The following THSD7B variants were observed in gnomAD, a reference collection of about 807,000 sequenced individuals.
THSD7B encodes thrombospondin type 1 domain containing 7B.
A neutral mutation model predicts 213.6 loss-of-function variants in THSD7B; 138 were observed. The observed-to-expected ratio is 0.65, with a 90% confidence interval of 0.56 to 0.74. The LOEUF is 0.74. Ranked by LOEUF, THSD7B falls within the 30% of genes least tolerant of loss-of-function variation. The probability of loss-of-function intolerance (pLI) is 0.00; values close to 1 mark genes in which losing one functional copy is unlikely to be tolerated. For synonymous variants in THSD7B, 742 were observed against 687.0 expected (o/e 1.08, Z -1.25); for missense variants, 1,931 against 1,991.5 (o/e 0.97, Z 0.58).
intron 15 of THSD7B, among the ~76,000 whole-genome samples, chr2:137,511,761 T>C (rs968204744): frequency 6.6e-6 from 1 of 152,250 alleles, no homozygotes; most frequent in Non-Finnish European, 1.5e-5. Flanking sequence ...TTTCAGTCTT[T>C]ACCTGGATCA....
chr2:137,269,109 G>A lies in THSD7B; in HGVS notation c.2267-3424G>A, dbSNP rs758466183. The stretch of plus-strand genomic sequence containing the variant: ...AGATAGTTCACACATCTCTGGTATT[G>A]TTTCCCTAGCTTAAGATCCTCCCTT... On this transcript the variant is annotated intron_variant, in intron 10 of 27. Coordinates refer to ENST00000409968, the MANE Select transcript of THSD7B (RefSeq NM_001316349.2). Among the ~76,000 whole-genome samples, 4 of 152,128 alleles carry A rather than the reference G, an allele frequency of 2.6e-5. No individual in the cohort carries two copies. The South Asian group carries it at 6.2e-4, about 24-fold the overall frequency.
chr2:137,064,789 T>G (rs13004428), intron 3 of THSD7B, among the ~76,000 whole-genome samples: 1 of 151,998 alleles, frequency 6.6e-6, no homozygotes. Flanking sequence ...ATGTTCTTGA[T>G]ACCTTTGTCA....
At chr2:137,477,938 T>C (rs544012544) in intron 15 of THSD7B, among the ~76,000 whole-genome samples, 1 of 152,266 alleles carries the variant, frequency 6.6e-6, no homozygotes, top group South Asian at 2.1e-4. Flanking sequence ...AAGGTTTCTA[T>C]TGAGGAATAT....
At chr2:137,070,343 A>G (rs1687456792) in intron 3 of THSD7B, among the ~76,000 whole-genome samples, 1 of 151,840 alleles carries the variant, frequency 6.6e-6, no homozygotes, top group South Asian at 2.1e-4. Flanking sequence ...GTTTATTTGA[A>G]CAAATTCCTA....
intron 3 of THSD7B, among the ~76,000 whole-genome samples, chr2:137,073,497 T>C (rs1687546958): frequency 6.6e-6 from 1 of 152,260 alleles, no homozygotes; most frequent in South Asian, 2.1e-4. Context: ...TTAGTCTTGC[T>C]AGCGGTCTAT....
At chr2:137,085,735 A>G (rs1027718858) in intron 3 of THSD7B, among the ~76,000 whole-genome samples, 2 of 152,184 alleles carry the variant, frequency 1.3e-5, no homozygotes, top group African/African-American at 4.8e-5. Context: ...GGTAAAGTGT[A>G]AAATTTTCTA....
chr2:136,950,112 T>G (rs752540309), intron 2 of THSD7B, among the ~76,000 whole-genome samples: 29 of 152,042 alleles, frequency 1.9e-4, no homozygotes, highest in Non-Finnish European at 3.8e-4. Flanking sequence ...ATTACCTGGA[T>G]GTGGTGGCAC....
At chr2:136,883,426 G>T (rs867807429) in intron 2 of THSD7B, among the ~76,000 whole-genome samples, 5 of 151,270 alleles carry the variant, frequency 3.3e-5, no homozygotes, top group Non-Finnish European at 5.9e-5. Context: ...TTTAACTGTG[G>T]GCTCCAATAC....
chr2:137,216,053 G>A (rs984927142), intron 7 of THSD7B, among the ~76,000 whole-genome samples: 7 of 152,010 alleles, frequency 4.6e-5, no homozygotes, highest in South Asian at 4.1e-4. Context: ...TGTTGAGGGG[G>A]AAAATAAATT....
At chr2:137,238,229 T>C (rs558621506) in intron 9 of THSD7B, among the ~76,000 whole-genome samples, 1 of 152,302 alleles carries the variant, frequency 6.6e-6, no homozygotes, top group South Asian at 2.1e-4. Flanking sequence ...GCCACAAATA[T>C]TTCCAGGCTG....
intron 15 of THSD7B, among the ~76,000 whole-genome samples, chr2:137,487,732 C>CTTTCTT (rs1688496046): frequency 5.6e-5 from 2 of 35,514 alleles, no homozygotes; most frequent in African/African-American, 1.9e-4. Context: ...TTTGAGGTTT[C>CTTTCTT]TTTCTTTTTT....
chr2:137,582,544 G>C (rs1307096578), intron 17 of THSD7B, among the ~76,000 whole-genome samples: 3 of 136,084 alleles, frequency 2.2e-5, no homozygotes, highest in African/African-American at 8.4e-5. Context: ...CTGTGTCCGA[G>C]TGTTCTCATT....
At chr2:137,294,627 A>G (rs1683414103) in intron 12 of THSD7B, among the ~76,000 whole-genome samples, 1 of 150,458 alleles carries the variant, frequency 6.6e-6, no homozygotes, top group South Asian at 2.1e-4. Flanking sequence ...GACCACATTC[A>G]TATAATTTTA....
chr2:137,367,180 A>G (rs1275082250), intron 12 of THSD7B, among the ~76,000 whole-genome samples: 4 of 152,168 alleles, frequency 2.6e-5, no homozygotes, highest in Non-Finnish European at 4.4e-5. Flanking sequence ...GCTAACTACC[A>G]TATTCCTTAG....
At chr2:137,195,651 T>C (rs1244933061) in intron 7 of THSD7B, among the ~76,000 whole-genome samples, 1 of 152,126 alleles carries the variant, frequency 6.6e-6, no homozygotes, top group African/African-American at 2.4e-5. Context: ...TATTAATAAA[T>C]GCATGAATAA....
At chr2:137,508,859 G>A (rs530923012) in intron 15 of THSD7B, among the ~76,000 whole-genome samples, 1 of 151,988 alleles carries the variant, frequency 6.6e-6, no homozygotes, top group Non-Finnish European at 1.5e-5. Flanking sequence ...GTGGTCAGAG[G>A]AGAGACCTGA....
intron 2 of THSD7B, among the ~76,000 whole-genome samples, chr2:136,959,330 G>A (rs1018101734): frequency 5.3e-5 from 8 of 152,154 alleles, no homozygotes; most frequent in Non-Finnish European, 1.2e-4. Flanking sequence ...CTCTTCTCTC[G>A]ATCAGTAGCT....
chr2:137,646,886 C>A (rs1354293916), intron 21 of THSD7B, among the ~76,000 whole-genome samples: 1 of 152,100 alleles, frequency 6.6e-6, no homozygotes, highest in Non-Finnish European at 1.5e-5. Flanking sequence ...TTTGTGACTG[C>A]TCAGATTCTT....
chr2:136,870,625 C>T (rs919939567), intron 1 of THSD7B, among the ~76,000 whole-genome samples: 1 of 152,162 alleles, frequency 6.6e-6, no homozygotes, highest in East Asian at 1.9e-4. Flanking sequence ...AAGGCCTTTG[C>T]TGCACAATGA....
Sources: gnomAD v4.1 joint callset for allele counts (sites outside exome capture counted in the v4.1 genomes callset) on GRCh38, gnomAD v4.1.1 for gene constraint, MANE v1.5 for transcripts, NCBI Gene and HGNC (gene_info 2026-07-23, HGNC 2026-07-21) for gene names.